RRP1B: variants seen among roughly 807,000 people sequenced by gnomAD.
RRP1B encodes ribosomal RNA processing 1B.
RRP1B carries 56 observed loss-of-function variants against 80.2 expected under a neutral mutation model. That is an observed-to-expected ratio of 0.70 (90% CI 0.56 to 0.87). The LOEUF is 0.87. Ranked by LOEUF, RRP1B falls within the 40% of genes least tolerant of loss-of-function variation. The pLI, the probability that RRP1B is intolerant of heterozygous loss-of-function variation, is 0.00. For synonymous variants in RRP1B, 351 were observed against 357.6 expected, an observed-to-expected ratio of 0.98 and a Z score of 0.21; for missense variants, 807 against 939.8, an observed-to-expected ratio of 0.86 and a Z score of 1.85.
At chr21:43,685,844 C>A (rs1168744378) in intron 11 of RRP1B, 55 bp downstream of exon 11, 7 of 1,560,948 alleles carry the variant, frequency 4.5e-6, no homozygotes, top group Non-Finnish European at 6.1e-6. Context: ...ATGGACCCCA[C>A]TGGGGGCGTT....
rs550211338 is a variant in RRP1B at position 43,672,360 on chromosome 21, C to T, written c.266C>T (p.Ala89Val). The T allele has an allele frequency of 2.1e-5, 34 of 1,613,640 alleles. No homozygotes were observed. Among genetic ancestry groups the T allele is most frequent in the African/African-American group, 2.7e-5 (2 of 75,032 alleles). The change falls in exon 3 of 16, where the codon GCG becomes GTG. Residue 89 changes from alanine (A) to valine (V), a missense_variant. Coordinates refer to ENST00000340648, the MANE Select transcript of RRP1B (RefSeq NM_015056.3). ...AQLVHAVNNS[A>V]AQHLFIQTFW... is the part of the protein sequence containing the mutation. ...CTAGTCCATGCTGTTAACAACTCAG[C>T]GGCTCGTAAGTCCTGTTGTTTCTTC... is the stretch of plus-strand genomic sequence containing the variant.
At chr21:43,686,564 G>C (rs1322765179) in intron 11 of RRP1B, 2 of 432,666 alleles carry the variant, frequency 4.6e-6, no homozygotes, top group African/African-American at 4.0e-5. Context: ...CAAGCGTCCG[G>C]GGTCCAGCCA....
chr21:43,690,442 T>A lies in RRP1B; in HGVS notation c.2019+2T>A. 1 of 1,613,690 alleles carries A rather than the reference T, an allele frequency of 6.2e-7. No homozygotes were observed. The highest frequency in any genetic ancestry group is 8.5e-7 in the Non-Finnish European group (1 of 1,179,872). On this transcript the variant is annotated splice_donor_variant, in intron 14 of 15. Coordinates refer to ENST00000340648, the MANE Select transcript of RRP1B (RefSeq NM_015056.3). LOFTEE classifies it high-confidence loss of function. The stretch of plus-strand genomic sequence containing the variant: ...CACCCTCCAGGCCCTGCCGTCCAGG[T>A]ACGCACCCTCCCCAGAGTGGCACAG...
At chr21:43,682,984 T>C (rs190290076) in intron 8 of RRP1B, among the ~76,000 whole-genome samples, 112 of 152,352 alleles carry the variant, frequency 7.4e-4, no homozygotes, top group African/African-American at 2.6e-3. Flanking sequence ...GCGATTCTCA[T>C]GCCTCAGCCT....
chr21:43,663,331 T>C (rs1448864660), intron 1 of RRP1B, among the ~76,000 whole-genome samples: 2 of 152,266 alleles, frequency 1.3e-5, no homozygotes, highest in Admixed American at 1.3e-4. Context: ...AACAGCGCGA[T>C]CTCTGCTAAC....
intron 1 of RRP1B, among the ~76,000 whole-genome samples, chr21:43,669,001 T>C (rs115813040): frequency 0.01 from 1,524 of 152,334 alleles, 22 homozygotes; most frequent in African/African-American, 0.033. Context: ...CACTCAATCA[T>C]AGATCATGAA....
At chr21:43,667,804 G>A (rs2082984298) in intron 1 of RRP1B, among the ~76,000 whole-genome samples, 2 of 152,212 alleles carry the variant, frequency 1.3e-5, no homozygotes, top group Admixed American at 6.5e-5. Context: ...GAGGGCAAGA[G>A]AACCAGTTGG....
intron 11 of RRP1B, chr21:43,686,087 C>T: frequency 4.1e-6 from 1 of 241,086 alleles, no homozygotes; most frequent in South Asian, 8.9e-5. Flanking sequence ...CACCACTGCA[C>T]TCCAGCCTGG....
At chr21:43,681,261 CAGATAGATAGATAGATAGAT>C (rs372143608) in intron 8 of RRP1B, among the ~76,000 whole-genome samples, 9,117 of 149,712 alleles carry the variant, frequency 0.061, 907 homozygotes, top group African/African-American at 0.2. Flanking sequence ...AATAAATAAA[CAGATAGATAGATAGATAGAT>C]AGATAGATAG....
At position 43,693,007 on chromosome 21, in the gene RRP1B, G is replaced by T. The variant is rs961755986; in HGVS notation, c.2084-183G>T. 5.9e-5 allele frequency among the ~76,000 whole-genome samples: 9 copies of T among 152,148 alleles called. No individual in the cohort carries two copies. Among genetic ancestry groups the T allele is most frequent in the African/African-American group, 2.2e-4 (9 of 41,436 alleles). On this transcript the variant is annotated intron_variant, in intron 15 of 15. Transcript: ENST00000340648. This position sits in a 1 kb window ranked among gnomAD's most constrained non-coding sequence, Gnocchi z 4.1. ...GGGAGGGTGAGTTGAGGCATGGGAT[G>T]TGGCCTCACTGCCCTCCTTTCCTCA...
At chr21:43,672,477 A>G (rs2083003806) in intron 3 of RRP1B, 112 bp downstream of exon 3, 10 of 903,586 alleles carry the variant, frequency 1.1e-5, no homozygotes, top group Admixed American at 1.9e-5. Context: ...TCCTGTTTTT[A>G]AAAGCTGTGA....
chr21:43,691,667 G>A lies in RRP1B; in HGVS notation c.2083+165G>A, dbSNP rs567836800. ...TTTTTTTTTTTTGAGACAGAGTCTCGCTGCTCTGTCACCCAGGCTGCAGTG... is the reference window on the plus strand; with the variant it reads ...TTTTTTTTTTTTGAGACAGAGTCTCACTGCTCTGTCACCCAGGCTGCAGTG... On this transcript the variant is annotated intron_variant, in intron 15 of 15. Transcript: ENST00000340648. This position sits in a 1 kb window ranked among gnomAD's most constrained non-coding sequence, Gnocchi z 4.2. Among the ~76,000 whole-genome samples the A allele has an allele frequency of 3.5e-5, 5 of 142,982 alleles. No individual in the cohort carries two copies. Among genetic ancestry groups the A allele is most frequent in the East Asian group, 4.1e-4 (2 of 4,838 alleles). The allele number at this position is 142,982 out of a possible 152,430, so 93.8% of individuals were successfully genotyped here.
In RRP1B at chr21:43,682,315, G is replaced by A. The variant is rs566987630; in HGVS notation, c.797-964G>A. 9.9e-5 allele frequency among the ~76,000 whole-genome samples: 15 copies of A among 152,148 alleles called. No homozygotes were observed. In the South Asian group the frequency reaches 2.5e-3, roughly 25 times the overall value. On this transcript the variant is annotated intron_variant, in intron 8 of 15. Transcript: ENST00000340648. The stretch of plus-strand genomic sequence containing the variant: ...GTTGCGTTCATGAAACGTGTGCTGC[G>A]CCTGCCCCATCCTCCCCAGGCCTTG...
chr21:43,671,613 C>G (rs1338104774), intron 2 of RRP1B, among the ~76,000 whole-genome samples: 3 of 152,092 alleles, frequency 2.0e-5, no homozygotes, highest in African/African-American at 7.2e-5. Context: ...AGCGATCCAC[C>G]CGCCTCGGCC....
chr21:43,666,636 T>G (rs1328337693), intron 1 of RRP1B, among the ~76,000 whole-genome samples: 1 of 150,948 alleles, frequency 6.6e-6, no homozygotes, highest in Admixed American at 6.6e-5. Context: ...GAGAATCGCT[T>G]GAACCTGGGC....
chr21:43,664,327 C>CAAAAAAA (rs11351123), intron 1 of RRP1B, among the ~76,000 whole-genome samples: 1 of 103,364 alleles, frequency 9.7e-6, no homozygotes, highest in African/African-American at 3.7e-5. Flanking sequence ...AACTCCGTCT[C>CAAAAAAA]AAAAAAAAAA....
chr21:43,674,463 A>G (rs2083012876), intron 4 of RRP1B, among the ~76,000 whole-genome samples, 173 bp from the exon 5 acceptor site: 1 of 151,288 alleles, frequency 6.6e-6, no homozygotes, highest in Non-Finnish European at 1.5e-5. Context: ...GGCTATGAAT[A>G]TGTTTTTTGA....
chr21:43,670,216 T>C (rs2082994195), intron 2 of RRP1B, among the ~76,000 whole-genome samples: 1 of 152,276 alleles, frequency 6.6e-6, no homozygotes, highest in Admixed American at 6.5e-5. Context: ...TAAAATTTCA[T>C]AGGTTCCATG....
rs1568956891 is a variant in RRP1B, at chr21:43,675,076, G to C, written c.462G>C (p.Leu154=). ...VFLDVLMKEV[L]CPESQSPNGV... is the part of the protein sequence containing the mutation. The stretch of plus-strand genomic sequence containing the variant: ...TGGATGTCCTGATGAAGGAGGTCCT[G>C]TGTCCTGAGAGTCAGTCTCCTAATG... The change falls in exon 6 of 16, where the codon CTG becomes CTC. Residue 154 remains leucine (L), a synonymous_variant. Coordinates refer to ENST00000340648, the MANE Select transcript of RRP1B (RefSeq NM_015056.3). The C allele has an allele frequency of 6.2e-7, 1 of 1,614,082 alleles. No homozygotes were observed. Among genetic ancestry groups the C allele is most frequent in the Admixed American group, 1.7e-5 (1 of 60,022 alleles).
Sources: allele counts gnomAD v4.1 joint callset (sites outside exome capture counted in the v4.1 genomes callset), GRCh38; gene constraint gnomAD v4.1.1; non-coding constraint Gnocchi (gnomAD v3.1); transcripts MANE v1.5; gene names NCBI Gene and HGNC (gene_info 2026-07-23, HGNC 2026-07-21).